The following SCLT1 variants were observed in gnomAD, a reference collection of about 807,000 sequenced individuals.
The protein encoded by SCLT1 is sodium channel and clathrin linker 1, also known as sodium channel-associated protein 1.
A neutral mutation model predicts 112.8 loss-of-function variants in SCLT1; 78 were observed. That is an observed-to-expected ratio of 0.69 (90% CI 0.58 to 0.83). The LOEUF is 0.83. Ranked by LOEUF, SCLT1 falls within the 40% of genes least tolerant of loss-of-function variation. The probability of loss-of-function intolerance (pLI) is 0.00; values close to 1 mark genes in which losing one functional copy is unlikely to be tolerated. For synonymous variants in SCLT1, 257 were observed against 254.7 expected, an observed-to-expected ratio of 1.01 and a Z score of -0.09; for missense variants, 747 against 770.4, an observed-to-expected ratio of 0.97 and a Z score of 0.36.
At chr4:129,068,214 A>G (rs556527282) in intron 2 of SCLT1, among the ~76,000 whole-genome samples, 77 of 151,470 alleles carry the variant, frequency 5.1e-4, no homozygotes, top group African/African-American at 1.8e-3. Flanking sequence ...ATATATATGT[A>G]TGTGTGTGTG....
intron 2 of SCLT1, among the ~76,000 whole-genome samples, chr4:129,058,568 A>T (rs1210012988): frequency 3.9e-5 from 6 of 152,208 alleles, no homozygotes; most frequent in African/African-American, 1.4e-4. Context: ...CACTGTGGTC[A>T]CAAACAATAG....
chr4:129,086,210 T>A (rs1752382745), intron 1 of SCLT1, among the ~76,000 whole-genome samples: 1 of 151,778 alleles, frequency 6.6e-6, no homozygotes, highest in South Asian at 2.1e-4. Context: ...CTGGAGAAAA[T>A]TTTACTGTAA....
At position 128,999,779 on chromosome 4, in the gene SCLT1, C is replaced by A. The variant is rs766401248; in HGVS notation, c.442G>T (p.Val148Leu). The A allele has an allele frequency of 6.3e-7, 1 of 1,598,870 alleles. No homozygotes were observed. Among genetic ancestry groups the A allele is most frequent in the South Asian group, 1.1e-5 (1 of 88,574 alleles). ...TGAGAAACAGTCTGCCAGAGTTCCA[C>A]AGCCTGAGTTTTTTCCTATTAAAAA... ...QLANQEKTQA[V>L]ELWQTVSQEL... Residue 148 changes from valine (V) to leucine (L), a missense_variant, in exon 7 of 21, where the codon GTG (valine) becomes TTG (leucine). By Grantham distance (32) the Val-to-Leu change is conservative (BLOSUM62 1). Transcript: ENST00000281142.
rs1478505497 is a variant in SCLT1 at position 128,965,347 on chromosome 4, T to C, written c.778-29A>G. ...GAAAATAAAGAAACTAGAAGCTTAC[T>C]TTGAGTATGTGAAAATTCAATACAC... On this transcript the variant is annotated intron_variant, in intron 10 of 20. Coordinates refer to ENST00000281142, the MANE Select transcript of SCLT1 (RefSeq NM_144643.4). The C allele has an allele frequency of 2.1e-6, 3 of 1,421,192 alleles. No individual in the cohort carries two copies. In the African/African-American group the frequency reaches 4.2e-5, roughly 20 times the overall value. 88.0% of individuals were successfully genotyped at this position (1,421,192 alleles called of 1,614,324 possible).
At chr4:128,896,117 C>T (rs527808036) in intron 18 of SCLT1, among the ~76,000 whole-genome samples, 2,086 of 152,224 alleles carry the variant, frequency 0.014, 16 homozygotes, top group Non-Finnish European at 0.022. Flanking sequence ...GGGGGCAGGG[C>T]ATTGCCAAAC....
In SCLT1 at chr4:129,032,217, TG is replaced by T. The variant is rs1385397444; in HGVS notation, c.290+6823del. ...ACAACCATCTGATCTTCAATAAACCTGGGAAAAACAAGCAATGGGGAAAGGA... is the reference window on the plus strand; with the variant it reads ...ACAACCATCTGATCTTCAATAAACCTGGAAAAACAAGCAATGGGGAAAGGA... On this transcript the variant is annotated intron_variant, in intron 5 of 20. Transcript: ENST00000281142. Among the ~76,000 whole-genome samples, 3 of 152,022 alleles carry T rather than the reference TG, an allele frequency of 2.0e-5. No individual in the cohort carries two copies. In the East Asian group the frequency reaches 5.8e-4, roughly 29 times the overall value.
intron 3 of SCLT1, among the ~76,000 whole-genome samples, chr4:128,878,873 C>T (rs1467096500): frequency 2.0e-5 from 3 of 151,054 alleles, no homozygotes; most frequent in Non-Finnish European, 4.4e-5. Flanking sequence ...CCACTAGATA[C>T]GAAGATACTT....
At chr4:129,061,119 G>A (rs1198882954) in intron 2 of SCLT1, among the ~76,000 whole-genome samples, 1 of 152,148 alleles carries the variant, frequency 6.6e-6, no homozygotes, top group Non-Finnish European at 1.5e-5. Context: ...AGCCAGTAGA[G>A]TTCAGTGGCA....
intron 18 of SCLT1, among the ~76,000 whole-genome samples, chr4:128,919,728 C>T (rs1175387715): frequency 6.9e-6 from 1 of 143,948 alleles, no homozygotes; most frequent in Non-Finnish European, 1.5e-5. Flanking sequence ...CTATTAACCC[C>T]ACAGAAATAC....
chr4:129,047,887 T>A (rs1748339512), intron 2 of SCLT1, among the ~76,000 whole-genome samples: 1 of 152,146 alleles, frequency 6.6e-6, no homozygotes, highest in African/African-American at 2.4e-5. Flanking sequence ...GACATTCATC[T>A]CTTGTCAGAT....
chr4:128,904,474 A>G (rs186444), intron 18 of SCLT1, among the ~76,000 whole-genome samples: 108,018 of 152,042 alleles, frequency 0.71, 38,485 homozygotes, highest in African/African-American at 0.76. Flanking sequence ...AAATAAACAA[A>G]ATACTGTAAT....
At chr4:129,084,468 A>C (rs1246520100) in intron 1 of SCLT1, among the ~76,000 whole-genome samples, 4 of 152,204 alleles carry the variant, frequency 2.6e-5, no homozygotes, top group South Asian at 2.1e-4. Flanking sequence ...AATACAACAG[A>C]AGATGTTTAA....
At chr4:129,075,490 T>C (rs1172815345) in intron 2 of SCLT1, among the ~76,000 whole-genome samples, 1 of 152,158 alleles carries the variant, frequency 6.6e-6, no homozygotes, top group Non-Finnish European at 1.5e-5. Flanking sequence ...AGGTTTTACG[T>C]GGGTAACTCA....
chr4:129,059,463 T>C (rs1301082412), intron 2 of SCLT1, among the ~76,000 whole-genome samples: 4 of 152,178 alleles, frequency 2.6e-5, no homozygotes, highest in African/African-American at 9.7e-5. Context: ...GAGTTTTGTA[T>C]TTTTATGTGC....
At chr4:128,965,678 A>T (rs1293914171) in intron 10 of SCLT1, among the ~76,000 whole-genome samples, 1 of 152,190 alleles carries the variant, frequency 6.6e-6, no homozygotes, top group Non-Finnish European at 1.5e-5. Flanking sequence ...TGTCTCATTA[A>T]CTATCAAGGT....
intron 18 of SCLT1, 53 bp downstream of exon 18, chr4:128,936,602 A>G: frequency 9.1e-7 from 1 of 1,099,192 alleles, no homozygotes; most frequent in South Asian, 1.6e-5. Flanking sequence ...ATTAAACTAT[A>G]GGTTAAAGAA....
chr4:129,034,882 G>A (rs1043840606), intron 5 of SCLT1, among the ~76,000 whole-genome samples: 16 of 152,058 alleles, frequency 1.1e-4, no homozygotes, highest in Non-Finnish European at 1.6e-4. Flanking sequence ...GATGTGGCAG[G>A]CCAGATTTGA....
downstream of SCLT1, among the ~76,000 whole-genome samples, chr4:128,882,419 C>T (rs1462909143): frequency 6.6e-6 from 1 of 152,154 alleles, no homozygotes; most frequent in African/African-American, 2.4e-5. Flanking sequence ...CATGTGCCTT[C>T]CTTGAGTGTT....
Position 128,957,196 on chromosome 4 carries a change from T to A in SCLT1, c.1048-72A>T, listed in dbSNP as rs1579501070. The A allele has an allele frequency of 9.9e-6, 8 of 805,144 alleles. No individual in the cohort carries two copies. In the East Asian group the frequency reaches 2.2e-4, roughly 22 times the overall value. 49.9% of individuals were successfully genotyped at this position (805,144 alleles called of 1,614,324 possible). ...AAAGATAATAACAGGTGAAAACCTATCCACTAGTCACTTCCTTATTCAAAA... is the reference window on the plus strand; with the variant it reads ...AAAGATAATAACAGGTGAAAACCTAACCACTAGTCACTTCCTTATTCAAAA... On this transcript the variant is annotated intron_variant, in intron 12 of 20. Transcript: ENST00000281142.
Sources: gnomAD v4.1 joint callset for allele counts (sites outside exome capture counted in the v4.1 genomes callset) on GRCh38, gnomAD v4.1.1 for gene constraint, MANE v1.5 for transcripts, NCBI Gene and HGNC (gene_info 2026-07-23, HGNC 2026-07-21) for gene names.